SP110: variants seen among roughly 807,000 people sequenced by gnomAD.
SP110 encodes SP110 nuclear body protein, also known as interferon-induced protein 41, 30kD.
SP110 carries 62 observed loss-of-function variants against 92.7 expected under a neutral mutation model. That is an observed-to-expected ratio of 0.67 (90% CI 0.55 to 0.83). The LOEUF is 0.83. Ranked by LOEUF, SP110 falls within the 40% of genes least tolerant of loss-of-function variation. The probability of loss-of-function intolerance (pLI) is 0.00; values close to 1 mark genes in which losing one functional copy is unlikely to be tolerated. For missense variants in SP110, 793 were observed against 863.9 expected, an observed-to-expected ratio of 0.92 and a Z score of 1.03; for synonymous variants, 273 against 305.3, an observed-to-expected ratio of 0.89 and a Z score of 1.10.
At chr2:230,193,518 C>G (rs1015948981) in intron 10 of SP110, among the ~76,000 whole-genome samples, 1 of 152,158 alleles carries the variant, frequency 6.6e-6, no homozygotes, top group African/African-American at 2.4e-5. Flanking sequence ...AGAGTTAGAA[C>G]TCCTTTTGGC....
At chr2:230,208,800 A>C (rs2044156307) in intron 7 of SP110, among the ~76,000 whole-genome samples, 2 of 152,228 alleles carry the variant, frequency 1.3e-5, no homozygotes, top group South Asian at 4.1e-4. Context: ...GTGTACAGGA[A>C]GTAGGTAAGT....
Position 230,208,002 on chromosome 2 carries a change from CT to C in SP110, c.886del (p.Ser296AlafsTer36), listed in dbSNP as rs774290827. On this transcript the variant is annotated frameshift_variant, in exon 8 of 19. Transcript: ENST00000258381. LOFTEE classifies it high-confidence loss of function. ...TACTCTCATCTTACCTCCTGGGAGG[CT>C]TTTTTTCTTATGTCTCCTTTTTGGA... is the stretch of plus-strand genomic sequence containing the variant. ...STPKRRHKKK[S>X]LPGGTASSRH... 18 of 1,550,744 alleles carry C rather than the reference CT, an allele frequency of 1.2e-5. No individual in the cohort carries two copies. The highest frequency in any genetic ancestry group is 1.4e-5 in the Non-Finnish European group (16 of 1,125,532).
At chr2:230,221,681 A>T (rs2045833542), upstream of SP110, 3 of 1,535,234 alleles carry the variant, frequency 2.0e-6, no homozygotes, top group African/African-American at 4.1e-5. Context: ...AGGTTATTTT[A>T]TGCAAATGTC....
At chr2:230,212,667 G>A in intron 4 of SP110, 94 bp downstream of exon 4, 1 of 1,495,092 alleles carries the variant, frequency 6.7e-7, no homozygotes, top group Non-Finnish European at 9.3e-7. Flanking sequence ...GAAGAACTAG[G>A]ACAATAAAAG....
chr2:230,215,475 A>T (rs1248729528), intron 2 of SP110, among the ~76,000 whole-genome samples: 1 of 152,226 alleles, frequency 6.6e-6, no homozygotes, highest in Non-Finnish European at 1.5e-5. Flanking sequence ...TGGGCAGGAT[A>T]CTTCAGCAAT....
At chr2:230,180,625 G>A (rs2042088898) in intron 12 of SP110, among the ~76,000 whole-genome samples, 1 of 152,164 alleles carries the variant, frequency 6.6e-6, no homozygotes, top group South Asian at 2.1e-4. Context: ...TACATGAGGT[G>A]GAGCTGGCAC....
At position 230,185,993 on chromosome 2, in the gene SP110, C is replaced by A. The variant is rs372144903; in HGVS notation, c.1279+1G>T. 1.9e-6 allele frequency: 3 copies of A among 1,613,810 alleles called. No homozygotes were observed. In the African/African-American group the frequency reaches 4.0e-5, roughly 22 times the overall value. On this transcript the variant is annotated splice_donor_variant, in intron 11 of 18. Transcript: ENST00000258381. LOFTEE classifies it high-confidence loss of function. Reference sequence around the variant, plus strand: ...ATAGCAGATTCCATCATTAGCCTTACCTTTCAATCTGGACTTTCGGGCACA... The same window carrying A: ...ATAGCAGATTCCATCATTAGCCTTAACTTTCAATCTGGACTTTCGGGCACA...
At chr2:230,197,116 A>G (rs1489241845) in intron 10 of SP110, among the ~76,000 whole-genome samples, 3 of 152,220 alleles carry the variant, frequency 2.0e-5, no homozygotes, top group Non-Finnish European at 2.9e-5. Context: ...AGGAATCACC[A>G]CACCGATTTC....
At chr2:230,177,062 A>G (rs141515952) in intron 14 of SP110, among the ~76,000 whole-genome samples, 1 of 152,208 alleles carries the variant, frequency 6.6e-6, no homozygotes, top group East Asian at 1.9e-4. Flanking sequence ...TGTTGCTGAG[A>G]GAGGCCTTGT....
At position 230,168,917 on chromosome 2, in the gene SP110, A is replaced by ATTTTTGTT; in HGVS notation, c.*206_*207insAACAAAAA. 2.4e-6 allele frequency: 1 copy of ATTTTTGTT among 424,728 alleles called. No homozygotes were observed. Among genetic ancestry groups the ATTTTTGTT allele is most frequent in the Non-Finnish European group, 4.4e-6 (1 of 227,160 alleles). 26.3% of individuals were successfully genotyped at this position (424,728 alleles called of 1,614,324 possible). A position where few individuals can be genotyped will look rare whatever the true frequency, so the allele number is the denominator to read the frequency against. On this transcript the variant is annotated 3_prime_UTR_variant, in exon 19 of 19. Coordinates refer to ENST00000258381, the MANE Select transcript of SP110 (RefSeq NM_080424.4). ...ATCTGATGGTATTAAGGAAGTATTA[A>ATTTTTGTT]TTTTTTTTTTTTTTAGTGTAGATAT... is the stretch of plus-strand genomic sequence containing the variant.
chr2:230,176,333 C>T, intron 14 of SP110: 1 of 504,260 alleles, frequency 2.0e-6, no homozygotes, highest in South Asian at 2.1e-5. Context: ...GTGCACACCA[C>T]CATTCCTAGT....
At position 230,183,585 on chromosome 2, in the gene SP110, ATTTTTCTGAAATCTCCT is replaced by A; in HGVS notation, c.1318_1334del (p.Arg440TyrfsTer10). On this transcript the variant is annotated frameshift_variant, in exon 12 of 19. Transcript: ENST00000258381. LOFTEE classifies it high-confidence loss of function. ...TTGCTTGCTTACCTCTTCGGTGAAT[ATTTTTCTGAAATCTCCT>A]TTTTGAGCTTGAACAGATATCTTTC... 6.2e-7 allele frequency: 1 copy of A among 1,610,120 alleles called. No individual in the cohort carries two copies. Among genetic ancestry groups the A allele is most frequent in the Non-Finnish European group, 8.5e-7 (1 of 1,176,438 alleles).
intron 12 of SP110, among the ~76,000 whole-genome samples, chr2:230,178,878 A>G (rs953488582): frequency 1.6e-4 from 25 of 152,242 alleles, no homozygotes; most frequent in Non-Finnish European, 3.5e-4. Context: ...CAGGGGAAGC[A>G]GTTGCAAGAG....
At chr2:230,209,240 GGAGGCCAA>G (rs2044205466) in intron 7 of SP110, among the ~76,000 whole-genome samples, 2 of 152,068 alleles carry the variant, frequency 1.3e-5, no homozygotes, top group Admixed American at 1.3e-4. Context: ...TTTGGGTATG[GGAGGCCAA>G]GAATTGGTGG....
Position 230,171,724 on chromosome 2 carries a change from C to A in SP110, c.1859G>T (p.Ser620Ile), listed in dbSNP as rs749451022. 2 of 1,613,642 alleles carry A rather than the reference C, an allele frequency of 1.2e-6. No homozygotes were observed. Among genetic ancestry groups the A allele is most frequent in the African/African-American group, 2.7e-5 (2 of 74,890 alleles). ...LLLKAYCHPQ[S>I]SFFTGIPFNI... ...AAATGGGATGCCCGTAAAAAAGGAGCTTTGTGGATGACAGTAGGCCTTCAA... is the reference window on the plus strand; with the variant it reads ...AAATGGGATGCCCGTAAAAAAGGAGATTTGTGGATGACAGTAGGCCTTCAA... The change falls in exon 17 of 19, where the codon AGC becomes ATC. Residue 620 changes from serine to isoleucine, a missense_variant. By Grantham distance (142) the Ser-to-Ile change is moderately radical (BLOSUM62 -2). Transcript: ENST00000258381.
chr2:230,219,285 T>A (rs1197280835), intron 1 of SP110, among the ~76,000 whole-genome samples: 1 of 152,158 alleles, frequency 6.6e-6, no homozygotes, highest in East Asian at 1.9e-4. Flanking sequence ...GATAACATAT[T>A]TGTCTATCAA....
At chr2:230,217,697 A>T (rs2045374700) in intron 1 of SP110, among the ~76,000 whole-genome samples, 1 of 152,204 alleles carries the variant, frequency 6.6e-6, no homozygotes, top group Non-Finnish European at 1.5e-5. Flanking sequence ...AGAGTGGAAG[A>T]GCTGGGAGCA....
chr2:230,170,894 T>A, intron 17 of SP110, 133 bp from the exon 18 acceptor site: 1 of 881,358 alleles, frequency 1.1e-6, no homozygotes, highest in Non-Finnish European at 1.8e-6. Flanking sequence ...AAGCCAGCTA[T>A]TGTTCTAGGC....
chr2:230,182,347 C>T (rs2042165855), intron 12 of SP110, among the ~76,000 whole-genome samples: 1 of 152,178 alleles, frequency 6.6e-6, no homozygotes, highest in Admixed American at 6.5e-5. Flanking sequence ...ATAGCTAATG[C>T]ATGTTGGGCT....
Sources: allele counts gnomAD v4.1 joint callset (sites outside exome capture counted in the v4.1 genomes callset), GRCh38; gene constraint gnomAD v4.1.1; transcripts MANE v1.5; gene names NCBI Gene and HGNC (gene_info 2026-07-23, HGNC 2026-07-21).